Variants in GATB observed in about 807,000 individuals in gnomAD.
GATB encodes the protein glutamyl-tRNA(Gln) amidotransferase subunit B, mitochondrial.
Under a neutral mutation model 62.3 loss-of-function variants are expected in GATB, and 39 were observed. The observed-to-expected ratio is 0.63, with a 90% CI of 0.48 to 0.82. GATB has a LOEUF of 0.82. Ranked by LOEUF, GATB falls within the 40% of genes least tolerant of loss-of-function variation. GATB has a pLI of 0.00. For missense variants in GATB, 670 were observed against 684.0 expected (o/e 0.98, Z 0.23); for synonymous variants, 276 against 258.9 (o/e 1.07, Z -0.63).
At chr4:151,684,734 C>T (rs1738210169) in intron 10 of GATB, among the ~76,000 whole-genome samples, 1 of 152,226 alleles carries the variant, frequency 6.6e-6, no homozygotes, top group Admixed American at 6.5e-5. Flanking sequence ...TAAAACACAA[C>T]TGTTGCCTGC....
At position 151,719,417 on chromosome 4, in the gene GATB, G is replaced by A. The variant is rs747663081; in HGVS notation, c.441+8C>T. On this transcript the variant is annotated splice_region_variant and intron_variant, in intron 3 of 12. Transcript: ENST00000263985. ...CTTGCAGTGGGGTGGATCACAAAGTGTACTTACAGGGAGGTCTGCATAGAA... is the reference window on the plus strand; with the variant it reads ...CTTGCAGTGGGGTGGATCACAAAGTATACTTACAGGGAGGTCTGCATAGAA... The A allele has an allele frequency of 6.3e-6, 10 of 1,591,316 alleles. No individual in the cohort carries two copies. In the South Asian group the frequency reaches 6.7e-5, roughly 11 times the overall value.
chr4:151,685,395 G>A (rs4696286), intron 10 of GATB, among the ~76,000 whole-genome samples: 62,911 of 152,036 alleles, frequency 0.41, 13,460 homozygotes, highest in South Asian at 0.57. Flanking sequence ...ACACTGCAGA[G>A]TGGGGCTCTG....
intron 9 of GATB, among the ~76,000 whole-genome samples, chr4:151,700,163 GCTGA>G (rs1738573818): frequency 6.6e-6 from 1 of 152,218 alleles, no homozygotes; most frequent in Admixed American, 6.5e-5. Flanking sequence ...TGTACGGAAT[GCTGA>G]CTGACTCAGT....
At chr4:151,719,605 G>A in intron 2 of GATB, 67 bp from the exon 3 acceptor site, 1 of 1,074,812 alleles carries the variant, frequency 9.3e-7, no homozygotes, top group South Asian at 1.6e-5. Flanking sequence ...CCCACACACT[G>A]ACATCCTCGC....
rs547307107 is a variant in GATB, at chr4:151,673,104, G to A, written c.1411-208C>T. ...TGAGGCATCCCTGAGTGCAGGGCTG[G>A]GGAACAAGGCCAGCTAGGTGGAGTG... On this transcript the variant is annotated intron_variant, in intron 11 of 12. Coordinates refer to ENST00000263985, the MANE Select transcript of GATB (RefSeq NM_004564.3). The A allele has an allele frequency of 4.3e-5, 24 of 560,962 alleles. No homozygotes were observed. The South Asian group carries it at 6.1e-4, about 14-fold the overall frequency. The allele number at this position is 560,962 out of a possible 1,614,324, so 34.7% of individuals were successfully genotyped here.
intron 2 of GATB, among the ~76,000 whole-genome samples, chr4:151,732,255 C>T (rs906187061): frequency 3.3e-4 from 50 of 152,082 alleles, no homozygotes; most frequent in Non-Finnish European, 6.5e-4. Context: ...GCCATGATGA[C>T]GATGGCGGTT....
In GATB at chr4:151,760,952, GGCAGCCCCA is replaced by G; in HGVS notation, c.22_30del (p.Trp8_Cys10del). The G allele has an allele frequency of 6.2e-7, 1 of 1,613,134 alleles. No homozygotes were observed. On this transcript the variant is annotated inframe_deletion, in exon 1 of 13. Coordinates refer to ENST00000263985, the MANE Select transcript of GATB (RefSeq NM_004564.3). ...CGGGCGAAAGCCCAACGTCTTCCAC[GGCAGCCCCA>G]GCGCAGCATGGGCGCCGCCATTGTA...
intron 2 of GATB, among the ~76,000 whole-genome samples, chr4:151,732,658 A>C (rs980606326): frequency 6.7e-6 from 1 of 149,998 alleles, no homozygotes; most frequent in Non-Finnish European, 1.5e-5. Context: ...TCCCTCCACT[A>C]TTGTCCTATG....
At chr4:151,675,342 A>T (rs920735424) in intron 11 of GATB, 1 of 152,386 alleles carries the variant, frequency 6.6e-6, no homozygotes, top group African/African-American at 2.4e-5. Flanking sequence ...AGTTAACTCC[A>T]CAAATTAGTG....
chr4:151,676,050 C>G (rs7671651), intron 11 of GATB: 90,904 of 152,156 alleles, frequency 0.6, 29,531 homozygotes, highest in African/African-American at 0.87. Flanking sequence ...AGGGAGCTGT[C>G]ACAGTTACAG....
intron 8 of GATB, chr4:151,703,498 C>A (rs368717111): frequency 3.6e-6 from 1 of 280,800 alleles, no homozygotes; most frequent in Non-Finnish European, 6.7e-6. Flanking sequence ...CTTCATTCAG[C>A]GTATTACTGA....
intron 10 of GATB, among the ~76,000 whole-genome samples, chr4:151,681,183 G>A (rs1488949186): frequency 3.9e-5 from 6 of 152,196 alleles, no homozygotes; most frequent in African/African-American, 1.4e-4. Flanking sequence ...AACCAATGGA[G>A]TGTGTGTTAA....
intron 4 of GATB, 119 bp from the exon 5 acceptor site, chr4:151,716,250 C>A: frequency 9.1e-7 from 1 of 1,097,444 alleles, no homozygotes; most frequent in Non-Finnish European, 1.2e-6. Context: ...TGGTTCTAGC[C>A]TCTCAATCAT....
rs368153114 is a variant in GATB, at chr4:151,760,979, C to T, written c.4G>A (p.Ala2Thr). 8.1e-6 allele frequency: 13 copies of T among 1,610,262 alleles called. No individual in the cohort carries two copies. The African/African-American group carries it at 1.7e-4, about 22-fold the overall frequency. ...CAGCCCCAGCGCAGCATGGGCGCCG[C>T]CATTGTAACTCCAGGGTCTTGGTCA... M[A>T]APMLRWGCRG... The change falls in exon 1 of 13, where the codon GCG becomes ACG. Residue 2 changes from alanine (A) to threonine (T), a missense_variant. Ala to Thr is a moderately conservative substitution (Grantham distance 58). Transcript: ENST00000263985.
chr4:151,719,372 G>T, intron 3 of GATB, 53 bp downstream of exon 3: 1 of 1,307,818 alleles, frequency 7.6e-7, no homozygotes, highest in Non-Finnish European at 1.1e-6. Flanking sequence ...CCCACAGCAG[G>T]GCTGGCCCAG....
At chr4:151,672,008 G>A (rs576181875) in intron 12 of GATB, among the ~76,000 whole-genome samples, 8 of 152,354 alleles carry the variant, frequency 5.3e-5, no homozygotes, top group African/African-American at 1.9e-4. Context: ...AGATGAGGCA[G>A]GAAGACGAGG....
Position 151,716,040 on chromosome 4 carries a change from T to C in GATB, c.732A>G (p.Gln244=). ...TAVRELQLIL[Q]ALGTSQANMA... Reference sequence around the variant, plus strand: ...TGTTCGCCTGGCTGGTCCCCAGGGCTTGAAGGATCAGCTGCAGCTCCCTGA... The same window carrying C: ...TGTTCGCCTGGCTGGTCCCCAGGGCCTGAAGGATCAGCTGCAGCTCCCTGA... Residue 244 remains glutamine (Q), a synonymous_variant, in exon 5 of 13, where the codon CAA becomes CAG. Coordinates refer to ENST00000263985, the MANE Select transcript of GATB (RefSeq NM_004564.3). The C allele has an allele frequency of 6.2e-7, 1 of 1,614,032 alleles. No homozygotes were observed. Among genetic ancestry groups the C allele is most frequent in the Non-Finnish European group, 8.5e-7 (1 of 1,179,984 alleles).
At chr4:151,680,666 C>T (rs1019988279) in intron 10 of GATB, among the ~76,000 whole-genome samples, 3 of 152,192 alleles carry the variant, frequency 2.0e-5, no homozygotes, top group South Asian at 4.1e-4. Context: ...TTAAAATGCA[C>T]GGTTTTCTGA....
At chr4:151,727,026 C>G (rs1002838766) in intron 2 of GATB, among the ~76,000 whole-genome samples, 2 of 152,182 alleles carry the variant, frequency 1.3e-5, no homozygotes, top group African/African-American at 4.8e-5. Flanking sequence ...AGGGGATACT[C>G]CCACTTTCGC....
Sources: allele counts gnomAD v4.1 joint callset (sites outside exome capture counted in the v4.1 genomes callset), GRCh38; gene constraint gnomAD v4.1.1; transcripts MANE v1.5; gene names NCBI Gene and HGNC (gene_info 2026-07-23, HGNC 2026-07-21).